Variants in RAB3B observed in about 807,000 individuals in gnomAD.
RAB3B encodes RAB3B, member RAS oncogene family.
In RAB3B, 11 loss-of-function variants were observed where a neutral mutation model predicts 20.5. That is an observed-to-expected ratio of 0.54 (90% CI 0.34 to 0.89). The LOEUF (loss-of-function observed/expected upper bound fraction) is 0.89, where lower values mean the gene tolerates loss of function less well. RAB3B is among the 40% of genes least tolerant of loss of function. The probability of loss-of-function intolerance (pLI) is 0.02; values close to 1 mark genes in which losing one functional copy is unlikely to be tolerated. For missense variants in RAB3B, 225 were observed against 280.9 expected, an observed-to-expected ratio of 0.80 and a Z score of 1.42; for synonymous variants, 99 against 106.3, an observed-to-expected ratio of 0.93 and a Z score of 0.42.
intron 2 of RAB3B, among the ~76,000 whole-genome samples, chr1:51,959,807 CAG>C (rs1684762201): frequency 1.3e-5 from 2 of 152,182 alleles, no homozygotes; most frequent in African/African-American, 4.8e-5. Context: ...ATGGTAATAA[CAG>C]GGAAAACCAG....
intron 4 of RAB3B, among the ~76,000 whole-genome samples, chr1:51,922,588 C>G (rs749582655): frequency 6.6e-6 from 1 of 152,044 alleles, no homozygotes; most frequent in Non-Finnish European, 1.5e-5. Context: ...CACCTTACTC[C>G]CAGCTTCCTT....
At position 51,912,427 on chromosome 1, in the gene RAB3B, G is replaced by A. The variant is rs1352951214; in HGVS notation, c.*7500C>T. ...AGATTTTTAAGAGATTGCCATTGAGGCTGGATGCGGTGGCTCATACGTACA... is the reference window on the plus strand; with the variant it reads ...AGATTTTTAAGAGATTGCCATTGAGACTGGATGCGGTGGCTCATACGTACA... On this transcript the variant is annotated 3_prime_UTR_variant, in exon 5 of 5. Coordinates refer to ENST00000371655, the MANE Select transcript of RAB3B (RefSeq NM_002867.4). The A allele has an allele frequency of 6.7e-6, 1 of 149,418 alleles. No individual in the cohort carries two copies. Among genetic ancestry groups the A allele is most frequent in the Non-Finnish European group, 1.5e-5 (1 of 67,478 alleles). The allele number at this position is 149,418 out of a possible 1,614,324, so 9.3% of individuals were successfully genotyped here.
intron 2 of RAB3B, among the ~76,000 whole-genome samples, chr1:51,963,288 T>C (rs986578499): frequency 6.6e-6 from 1 of 152,192 alleles, no homozygotes; most frequent in Non-Finnish European, 1.5e-5. Context: ...CCTACCACCT[T>C]TTCACTGTCC....
At chr1:51,920,262 T>G (rs987306480) in intron 4 of RAB3B, 148 bp from the exon 5 acceptor site, 3 of 674,376 alleles carry the variant, frequency 4.4e-6, no homozygotes, top group Non-Finnish European at 7.1e-6. Context: ...GGGATTCTGC[T>G]TCAAGGAGAC....
chr1:51,942,205 T>C (rs1257478838), intron 2 of RAB3B, among the ~76,000 whole-genome samples: 1 of 152,210 alleles, frequency 6.6e-6, no homozygotes, highest in African/African-American at 2.4e-5. Flanking sequence ...TGCACTGCCA[T>C]CAGGCCTGAG....
chr1:51,915,396 T>A lies in RAB3B; in HGVS notation c.*4531A>T, dbSNP rs1471329736. The A allele has an allele frequency of 2.6e-5, 4 of 152,136 alleles. No individual in the cohort carries two copies. The highest frequency in any genetic ancestry group is 9.7e-5 in the African/African-American group (4 of 41,434). 9.4% of individuals were successfully genotyped at this position (152,136 alleles called of 1,614,324 possible). A position where few individuals can be genotyped will look rare whatever the true frequency, so the allele number is the denominator to read the frequency against. ...TCTCAGAATAATTAGGAGATTTCCT[T>A]CCATTCTTTGGATGTCAACCTTCCC... On this transcript the variant is annotated 3_prime_UTR_variant, in exon 5 of 5. Coordinates refer to ENST00000371655, the MANE Select transcript of RAB3B (RefSeq NM_002867.4).
intron 2 of RAB3B, among the ~76,000 whole-genome samples, chr1:51,942,337 C>A (rs1684505462): frequency 6.6e-6 from 1 of 152,192 alleles, no homozygotes; most frequent in Non-Finnish European, 1.5e-5. Context: ...AACTGAATCC[C>A]AACTAATTAG....
rs1684323020 is a variant in RAB3B at position 51,931,502 on chromosome 1, A to C, written c.472+1816T>G. Among the ~76,000 whole-genome samples the C allele has an allele frequency of 3.3e-5, 5 of 152,324 alleles. No homozygotes were observed. The South Asian group carries it at 1.0e-3, about 32-fold the overall frequency. ...CAGAGTAGGCACTCAGGAAGTCTTC[A>C]CTGGACAATAAAATGAAGTACCCAA... On this transcript the variant is annotated intron_variant, in intron 4 of 4. Coordinates refer to ENST00000371655, the MANE Select transcript of RAB3B (RefSeq NM_002867.4).
At position 51,977,072 on chromosome 1, in the gene RAB3B, C is replaced by T; in HGVS notation, c.46G>A (p.Asp16Asn). The T allele has an allele frequency of 6.2e-7, 1 of 1,614,156 alleles. No homozygotes were observed. Among genetic ancestry groups the T allele is most frequent in the Non-Finnish European group, 8.5e-7 (1 of 1,180,030 alleles). ...TTAAACATGTAGTCAAAATTCTGGT[C>T]AGAGGCATCTTTGACTCCAGTTTTA... ...DGKTGVKDAS[D>N]QNFDYMFKLL... The change falls in exon 2 of 5, where the codon GAC becomes AAC. Residue 16 changes from aspartate (D) to asparagine (N), a missense_variant. By Grantham distance (23) the Asp-to-Asn change is conservative. Transcript: ENST00000371655.
Position 51,908,906 on chromosome 1 carries a change from G to C in RAB3B, c.*11021C>G, listed in dbSNP as rs1683959038. 6.6e-6 allele frequency: 1 copy of C among 152,158 alleles called. No homozygotes were observed. Among genetic ancestry groups the C allele is most frequent in the African/African-American group, 2.4e-5 (1 of 41,432 alleles). 9.4% of individuals were successfully genotyped at this position (152,158 alleles called of 1,614,324 possible). A position where few individuals can be genotyped will look rare whatever the true frequency, so the allele number is the denominator to read the frequency against. On this transcript the variant is annotated 3_prime_UTR_variant, in exon 5 of 5. Coordinates refer to ENST00000371655, the MANE Select transcript of RAB3B (RefSeq NM_002867.4). ...GTCAAAGATCATCAGGGCATGGATGGGAAAGTGCTTTGGGAACTGTAAAGT... is the reference window on the plus strand; with the variant it reads ...GTCAAAGATCATCAGGGCATGGATGCGAAAGTGCTTTGGGAACTGTAAAGT...
At chr1:51,940,269 G>A (rs1396530491) in intron 2 of RAB3B, among the ~76,000 whole-genome samples, 1 of 152,144 alleles carries the variant, frequency 6.6e-6, no homozygotes, top group East Asian at 1.9e-4. Context: ...AGATATAACA[G>A]CAAATTGATA....
intron 3 of RAB3B, 31 bp from the exon 4 acceptor site, chr1:51,933,473 C>A: frequency 6.3e-7 from 1 of 1,595,562 alleles, no homozygotes; most frequent in Non-Finnish European, 8.6e-7. Context: ...ATATGTTAAT[C>A]ATATTCCTAT....
chr1:51,925,295 C>T (rs974518794), intron 4 of RAB3B, among the ~76,000 whole-genome samples: 11 of 152,218 alleles, frequency 7.2e-5, no homozygotes, highest in Non-Finnish European at 1.6e-4. Context: ...GACTCACTGT[C>T]TTCCTTTCTA....
intron 4 of RAB3B, 88 bp from the exon 5 acceptor site, chr1:51,920,202 AT>A: frequency 8.3e-7 from 1 of 1,199,840 alleles, no homozygotes; most frequent in Non-Finnish European, 1.2e-6. Context: ...CTCTGGATTA[AT>A]ATGTCCAGTG....
intron 2 of RAB3B, among the ~76,000 whole-genome samples, chr1:51,959,227 A>G (rs1310535066): frequency 6.6e-6 from 1 of 152,072 alleles, no homozygotes; most frequent in Non-Finnish European, 1.5e-5. Context: ...CTGATAGAAA[A>G]TGGGGGAGGA....
At chr1:51,925,951 G>T (rs1426024604) in intron 4 of RAB3B, among the ~76,000 whole-genome samples, 1 of 152,236 alleles carries the variant, frequency 6.6e-6, no homozygotes, top group African/African-American at 2.4e-5. Context: ...AGTCACAGTA[G>T]AGGAGCAGCC....
intron 2 of RAB3B, among the ~76,000 whole-genome samples, chr1:51,972,067 G>A (rs1375263104): frequency 6.6e-6 from 1 of 152,156 alleles, no homozygotes; most frequent in Non-Finnish European, 1.5e-5. Flanking sequence ...TGTAATCTCA[G>A]CTGCTCCAGA....
intron 2 of RAB3B, among the ~76,000 whole-genome samples, chr1:51,942,847 T>C (rs960107871): frequency 1.3e-5 from 2 of 152,180 alleles, no homozygotes; most frequent in Non-Finnish European, 2.9e-5. Flanking sequence ...TTTTGGTATT[T>C]CTCACAATAT....
chr1:51,969,431 T>C (rs1338459624), intron 2 of RAB3B, among the ~76,000 whole-genome samples: 1 of 152,200 alleles, frequency 6.6e-6, no homozygotes, highest in Non-Finnish European at 1.5e-5. Context: ...CCTTAAATAT[T>C]AGTAAATCTG....
Sources: allele counts gnomAD v4.1 joint callset (sites outside exome capture counted in the v4.1 genomes callset), GRCh38; gene constraint gnomAD v4.1.1; transcripts MANE v1.5; gene names NCBI Gene and HGNC (gene_info 2026-07-23, HGNC 2026-07-21).